Variants in PTPRD observed in about 807,000 individuals in gnomAD.
PTPRD encodes the protein receptor-type tyrosine-protein phosphatase delta.
Under a neutral mutation model 214.5 loss-of-function variants are expected in PTPRD, and 34 were observed. That is an observed-to-expected ratio of 0.16 (90% CI 0.12 to 0.21). PTPRD has a LOEUF of 0.21. Ranked by LOEUF, PTPRD falls within the 10% of genes least tolerant of loss-of-function variation. The pLI, the probability that PTPRD is intolerant of heterozygous loss-of-function variation, is 1.00. For missense variants in PTPRD, 2,545 were observed against 2,398.7 expected, an observed-to-expected ratio of 1.06 and a Z score of -1.27; for synonymous variants, 1,128 against 845.7, an observed-to-expected ratio of 1.33 and a Z score of -5.79.
intron 3 of PTPRD, among the ~76,000 whole-genome samples, chr9:10,138,980 C>T (rs1033787861): frequency 6.6e-6 from 1 of 151,904 alleles, no homozygotes; most frequent in Non-Finnish European, 1.5e-5. Context: ...CCCTTGAGAA[C>T]AAGGCAAAGA....
At chr9:9,776,583 C>T (rs1318001279) in intron 5 of PTPRD, among the ~76,000 whole-genome samples, 1 of 152,054 alleles carries the variant, frequency 6.6e-6, no homozygotes, top group Non-Finnish European at 1.5e-5. Context: ...ATTTGTTGCT[C>T]TTTTTGCATG....
chr9:9,965,446 A>G (rs2094619522), intron 4 of PTPRD, among the ~76,000 whole-genome samples: 1 of 152,214 alleles, frequency 6.6e-6, no homozygotes, highest in African/African-American at 2.4e-5. Flanking sequence ...GGATGGGCTT[A>G]GAGCACTTGT....
intron 2 of PTPRD, among the ~76,000 whole-genome samples, chr9:10,554,859 A>G (rs931241249): frequency 1.3e-5 from 2 of 152,030 alleles, no homozygotes; most frequent in African/African-American, 4.8e-5. Context: ...AGGGGGTTTC[A>G]CTGTGTTAGC....
intron 10 of PTPRD, among the ~76,000 whole-genome samples, chr9:9,030,795 T>A (rs1291950358): frequency 1.3e-5 from 2 of 152,028 alleles, no homozygotes; most frequent in Non-Finnish European, 2.9e-5. Context: ...TAAAAATGAA[T>A]CCAATATGTA....
rs531794249 is a variant in PTPRD at position 9,192,652 on chromosome 9, C to G, written c.-202-9289G>C. ...GAGTCCATTAAATGCCTGCCTGAAA[C>G]CAGAGCTGCACCACTTAATATGAAA... On this transcript the variant is annotated intron_variant, in intron 9 of 45. Coordinates refer to ENST00000381196, the MANE Select transcript of PTPRD (RefSeq NM_002839.4). 3.3e-5 allele frequency among the ~76,000 whole-genome samples: 5 copies of G among 152,124 alleles called. No individual in the cohort carries two copies. The South Asian group carries it at 1.0e-3, about 32-fold the overall frequency.
intron 12 of PTPRD, among the ~76,000 whole-genome samples, chr9:8,727,569 T>A (rs541395527): frequency 6.6e-6 from 1 of 152,312 alleles, no homozygotes; most frequent in African/African-American, 2.4e-5. Context: ...ACTTTCAGAT[T>A]GCATATACTA....
intron 2 of PTPRD, among the ~76,000 whole-genome samples, chr9:10,392,737 G>C (rs1007083941): frequency 6.6e-6 from 1 of 151,806 alleles, no homozygotes; most frequent in Non-Finnish European, 1.5e-5. Flanking sequence ...ATGAGCAGGA[G>C]TTCACTGAAA....
At position 9,786,992 on chromosome 9, in the gene PTPRD, G is replaced by C. The variant is rs905750826; in HGVS notation, c.-367-20141C>G. Reference sequence around the variant, plus strand: ...CTCTACTAAAGATTCAAAAAAATTAGCTTGTGTGGTGGTGTGCGCCTGAAG... The same window carrying C: ...CTCTACTAAAGATTCAAAAAAATTACCTTGTGTGGTGGTGTGCGCCTGAAG... On this transcript the variant is annotated intron_variant, in intron 5 of 45. Coordinates refer to ENST00000381196, the MANE Select transcript of PTPRD (RefSeq NM_002839.4). Among the ~76,000 whole-genome samples the C allele has an allele frequency of 2.0e-5, 3 of 152,008 alleles. No homozygotes were observed. The South Asian group carries it at 6.2e-4, about 32-fold the overall frequency.
Position 10,540,667 on chromosome 9 carries a change from G to T in PTPRD, c.-600+71731C>A, listed in dbSNP as rs942747183. Among the ~76,000 whole-genome samples, 6 of 152,034 alleles carry T rather than the reference G, an allele frequency of 3.9e-5. No homozygotes were observed. In the South Asian group the frequency reaches 1.2e-3, roughly 31 times the overall value. ...GGTGTAATGTGTTCCAAATCCACTGGCTAGGTGGATGCATTTTTCCCTGCT... is the reference window on the plus strand; with the variant it reads ...GGTGTAATGTGTTCCAAATCCACTGTCTAGGTGGATGCATTTTTCCCTGCT... On this transcript the variant is annotated intron_variant, in intron 2 of 45. Transcript: ENST00000381196.
intron 10 of PTPRD, among the ~76,000 whole-genome samples, chr9:9,102,570 G>A (rs1401471122): frequency 1.1e-4 from 16 of 152,194 alleles, no homozygotes; most frequent in Admixed American, 2.6e-4. Context: ...ACTCGCCCTC[G>A]CATTGAATTG....
chr9:8,390,270 G>T (rs964320474), intron 36 of PTPRD, among the ~76,000 whole-genome samples: 3 of 152,030 alleles, frequency 2.0e-5, no homozygotes, highest in Admixed American at 2.0e-4. Flanking sequence ...TCTGAACATC[G>T]CTTACAAAGC....
intron 3 of PTPRD, among the ~76,000 whole-genome samples, chr9:10,097,403 T>A (rs1364780679): frequency 6.7e-6 from 1 of 148,292 alleles, no homozygotes; most frequent in Non-Finnish European, 1.5e-5. Context: ...TTGTATCCTC[T>A]TTTATTTCCT....
At position 10,593,479 on chromosome 9, in the gene PTPRD, CTTCAT is replaced by C. The variant is rs578068074; in HGVS notation, c.-600+18914_-600+18918del. The stretch of plus-strand genomic sequence containing the variant: ...TATTTGGATGTTATTACAAGTATGA[CTTCAT>C]TTCATATTAATAGACTGGTTAAACC... On this transcript the variant is annotated intron_variant, in intron 2 of 45. Coordinates refer to ENST00000381196, the MANE Select transcript of PTPRD (RefSeq NM_002839.4). Among the ~76,000 whole-genome samples, 49 of 152,108 alleles carry C rather than the reference CTTCAT, an allele frequency of 3.2e-4. 1 individual carries two copies. In the East Asian group the frequency reaches 9.3e-3, roughly 29 times the overall value.
intron 8 of PTPRD, among the ~76,000 whole-genome samples, chr9:9,459,346 T>C (rs960403020): frequency 1.3e-5 from 2 of 152,152 alleles, no homozygotes; most frequent in Non-Finnish European, 2.9e-5. Flanking sequence ...GTGGAAATAC[T>C]GGCCAGAGTA....
At chr9:8,749,344 T>G (rs997983588) in intron 11 of PTPRD, among the ~76,000 whole-genome samples, 1 of 152,102 alleles carries the variant, frequency 6.6e-6, no homozygotes. Flanking sequence ...GGTACCACCA[T>G]GCCCAGCTAA....
intron 2 of PTPRD, among the ~76,000 whole-genome samples, chr9:10,441,085 A>G (rs913032865): frequency 6.6e-6 from 1 of 151,666 alleles, no homozygotes. Context: ...ATCGTTTCCA[A>G]CCCAAATTTT....
intron 11 of PTPRD, among the ~76,000 whole-genome samples, chr9:8,875,311 A>G (rs967148894): frequency 1.3e-5 from 2 of 152,158 alleles, no homozygotes; most frequent in Admixed American, 6.6e-5. Context: ...GGATCCCGTG[A>G]GCCCAGGAGT....
chr9:9,963,680 T>C (rs1032435751), intron 4 of PTPRD, among the ~76,000 whole-genome samples: 1 of 152,156 alleles, frequency 6.6e-6, no homozygotes, highest in Non-Finnish European at 1.5e-5. Context: ...CCTTTCCTTT[T>C]TGGTAATAAA....
chr9:9,572,769 A>G (rs2086934405), intron 8 of PTPRD, among the ~76,000 whole-genome samples: 1 of 151,380 alleles, frequency 6.6e-6, no homozygotes, highest in Non-Finnish European at 1.5e-5. Context: ...ATTTCAACGA[A>G]TAGTGTAACC....
Sources: allele counts gnomAD v4.1 joint callset (sites outside exome capture counted in the v4.1 genomes callset), GRCh38; gene constraint gnomAD v4.1.1; transcripts MANE v1.5; gene names NCBI Gene and HGNC (gene_info 2026-07-23, HGNC 2026-07-21).